FAM53A: variants seen among roughly 807,000 people sequenced by gnomAD.
The protein encoded by FAM53A is family with sequence similarity 53 member A.
In FAM53A, 28 loss-of-function variants were observed where a neutral mutation model predicts 26.6. The ratio of observed to expected loss-of-function variants is 1.05; its 90% CI spans 0.78 to 1.45. The LOEUF is 1.45. Ranked by LOEUF, FAM53A falls within the 40% of genes most tolerant of loss-of-function variation. The pLI, the probability that FAM53A is intolerant of heterozygous loss-of-function variation, is 0.00. For synonymous variants in FAM53A, 290 were observed against 253.1 expected (o/e 1.15, Z -1.38); for missense variants, 650 against 575.8 (o/e 1.13, Z -1.32).
chr4:1,574,540 T>C, the FAM53A span: 1 of 152,478 alleles, frequency 6.6e-6, no homozygotes, highest in South Asian at 2.1e-4. Flanking sequence ...TTTCTTCAGA[T>C]TCCTCTGTGA....
At chr4:1,665,894 C>T (rs1329707254) in intron 2 of FAM53A, among the ~76,000 whole-genome samples, 1 of 152,022 alleles carries the variant, frequency 6.6e-6, no homozygotes, top group East Asian at 1.9e-4. Context: ...AACCCGAGTG[C>T]AATATAGCCA....
At chr4:1,653,109 A>T (rs1199150202) in intron 4 of FAM53A, among the ~76,000 whole-genome samples, 1 of 151,246 alleles carries the variant, frequency 6.6e-6, no homozygotes, top group African/African-American at 2.4e-5. Context: ...CAGAGCACAC[A>T]CTACACACAC....
At chr4:1,597,990 C>T in the FAM53A span, among the ~76,000 whole-genome samples, 5 of 152,176 alleles carry the variant, frequency 3.3e-5, no homozygotes, top group African/African-American at 1.2e-4. Flanking sequence ...AGCGAGGCTC[C>T]AAAAAGAACT....
chr4:1,602,696 G>T, the FAM53A span, among the ~76,000 whole-genome samples: 1 of 152,148 alleles, frequency 6.6e-6, no homozygotes, highest in East Asian at 1.9e-4. Context: ...CAGGAGCTGC[G>T]AGGCCAGGCT....
At chr4:1,685,040 A>AG (rs967005646), upstream of FAM53A, among the ~76,000 whole-genome samples, 17 of 152,046 alleles carry the variant, frequency 1.1e-4, 1 homozygote, top group African/African-American at 3.4e-4. Context: ...ATTCCCAGGA[A>AG]GGGGGTCCCT....
intron 1 of FAM53A, among the ~76,000 whole-genome samples, chr4:1,672,825 A>G (rs1265532830): frequency 1.6e-5 from 2 of 125,946 alleles, no homozygotes; most frequent in Non-Finnish European, 3.1e-5. Context: ...GCTGGAGTGC[A>G]GTGGTGTGAT....
At chr4:1,611,618 C>G in the FAM53A span, among the ~76,000 whole-genome samples, 3 of 152,244 alleles carry the variant, frequency 2.0e-5, no homozygotes, top group African/African-American at 7.2e-5. Flanking sequence ...CGGGCAGCAC[C>G]GTGCCAGGCT....
intron 1 of FAM53A, among the ~76,000 whole-genome samples, chr4:1,622,410 C>A (rs1715082357): frequency 6.6e-6 from 1 of 152,210 alleles, no homozygotes; most frequent in South Asian, 2.1e-4. Flanking sequence ...CCTTTGTGGC[C>A]CCTCAGGCTT....
chr4:1,626,741 A>G (rs1715325552), intron 1 of FAM53A, among the ~76,000 whole-genome samples: 1 of 151,746 alleles, frequency 6.6e-6, no homozygotes, highest in Admixed American at 6.5e-5. Flanking sequence ...GGGACCCAGG[A>G]CAGTGTAGAC....
chr4:1,608,608 C>G, the FAM53A span, among the ~76,000 whole-genome samples: 6 of 152,110 alleles, frequency 3.9e-5, no homozygotes, highest in African/African-American at 1.5e-4. Context: ...GTCAGGTCAG[C>G]AGTGGCTGAA....
At chr4:1,642,320 A>G (rs1711785471) in intron 4 of FAM53A, among the ~76,000 whole-genome samples, 1 of 152,162 alleles carries the variant, frequency 6.6e-6, no homozygotes, top group Non-Finnish European at 1.5e-5. Flanking sequence ...CCAGGCGAGT[A>G]GCTTCCAGTA....
At chr4:1,621,861 G>A (rs970449466) in intron 1 of FAM53A, among the ~76,000 whole-genome samples, 11 of 152,308 alleles carry the variant, frequency 7.2e-5, no homozygotes, top group African/African-American at 1.4e-4. Context: ...GGGTGAATGC[G>A]TCCCCCAAGG....
rs1019182587 is a variant in FAM53A, at chr4:1,617,957, C to G, written c.*116G>C. ...TCCTTCACCAAGAGAGAAGTCGCTG[C>G]GATGGTGCCACCACAACAGAACTGA... On this transcript the variant is annotated 3_prime_UTR_variant, in exon 2 of 2. Coordinates refer to the FAM53A transcript ENST00000489029. The G allele has an allele frequency of 9.1e-6, 4 of 437,182 alleles. No individual in the cohort carries two copies. In the Admixed American group the frequency reaches 9.6e-5, roughly 11 times the overall value. 27.1% of individuals were successfully genotyped at this position (437,182 alleles called of 1,614,324 possible). A position where few individuals can be genotyped will look rare whatever the true frequency, so the allele number is the denominator to read the frequency against.
intron 1 of FAM53A, among the ~76,000 whole-genome samples, chr4:1,670,950 G>C (rs1403447986): frequency 3.3e-5 from 5 of 150,838 alleles, no homozygotes; most frequent in Non-Finnish European, 4.4e-5. Flanking sequence ...CCCAGCGTCA[G>C]AGCCCCCAGC....
the FAM53A span, among the ~76,000 whole-genome samples, chr4:1,604,098 C>G: frequency 6.6e-6 from 1 of 152,218 alleles, no homozygotes; most frequent in East Asian, 1.9e-4. Flanking sequence ...AGGGTGCCTG[C>G]CCCTGCTGCC....
chr4:1,576,245 G>A, the FAM53A span, among the ~76,000 whole-genome samples: 6 of 152,182 alleles, frequency 3.9e-5, no homozygotes, highest in Non-Finnish European at 8.8e-5. Flanking sequence ...TCTTTGTGCC[G>A]GGGTAATATG....
intron 4 of FAM53A, among the ~76,000 whole-genome samples, chr4:1,643,496 T>C (rs1409464999): frequency 6.6e-6 from 1 of 151,834 alleles, no homozygotes; most frequent in Non-Finnish European, 1.5e-5. Context: ...AAAAGACGAA[T>C]TGACATATTT....
At chr4:1,609,259 A>C in the FAM53A span, among the ~76,000 whole-genome samples, 1 of 151,718 alleles carries the variant, frequency 6.6e-6, no homozygotes, top group Non-Finnish European at 1.5e-5. Context: ...GGCCAGCCCC[A>C]CACCCCCATC....
chr4:1,685,568 A>T (rs1195413622), upstream of FAM53A, among the ~76,000 whole-genome samples: 1 of 152,084 alleles, frequency 6.6e-6, no homozygotes, highest in African/African-American at 2.4e-5. Flanking sequence ...GCCTCCCAAC[A>T]GGTTCTGGGC....
Sources: allele counts gnomAD v4.1 joint callset (sites outside exome capture counted in the v4.1 genomes callset), GRCh38; gene constraint gnomAD v4.1.1; transcripts MANE v1.5; gene names NCBI Gene and HGNC (gene_info 2026-07-23, HGNC 2026-07-21).